The following HERC1 variants were observed in gnomAD, a reference collection of about 807,000 sequenced individuals.
HERC1 encodes the protein probable E3 ubiquitin-protein ligase HERC1.
In HERC1, 160 loss-of-function variants were observed where a neutral mutation model predicts 554.3. The observed-to-expected ratio is 0.29, with a 90% CI of 0.25 to 0.33. The LOEUF (loss-of-function observed/expected upper bound fraction) is 0.33, where lower values mean the gene tolerates loss of function less well. Among genes scored for constraint, HERC1 ranks in the 10% least tolerant of loss-of-function variants. The pLI, the probability that HERC1 is intolerant of heterozygous loss-of-function variation, is 1.00. For synonymous variants in HERC1, 2,175 were observed against 2,131.7 expected (o/e 1.02, Z -0.56); for missense variants, 4,919 against 5,918.5 (o/e 0.83, Z 5.54).
chr15:63,811,387 C>T (rs530518241), intron 1 of HERC1, among the ~76,000 whole-genome samples: 36 of 152,172 alleles, frequency 2.4e-4, no homozygotes, highest in Admixed American at 2.0e-3. Context: ...CAAAATGTTG[C>T]AATTTGTGAA....
At chr15:63,620,570 A>T (rs1438869050) in intron 74 of HERC1, among the ~76,000 whole-genome samples, 1 of 152,108 alleles carries the variant, frequency 6.6e-6, no homozygotes, top group African/African-American at 2.4e-5. Context: ...TATCTCGTTG[A>T]TCTGTCTAAT....
chr15:63,770,234 G>T (rs1283486120), intron 2 of HERC1, among the ~76,000 whole-genome samples: 1 of 152,048 alleles, frequency 6.6e-6, no homozygotes, highest in Non-Finnish European at 1.5e-5. Context: ...CCTCACAATT[G>T]CTGGCAAAAC....
At chr15:63,773,773 G>T (rs1020799197) in intron 2 of HERC1, among the ~76,000 whole-genome samples, 2 of 151,818 alleles carry the variant, frequency 1.3e-5, no homozygotes, top group Non-Finnish European at 2.9e-5. Context: ...CAAACTCCTG[G>T]CCTCAAGTGA....
intron 25 of HERC1, among the ~76,000 whole-genome samples, chr15:63,702,719 T>C (rs73448174): frequency 0.033 from 4,995 of 152,292 alleles, 270 homozygotes; most frequent in African/African-American, 0.11. Context: ...AATGCTCATA[T>C]AGTAAGTAGT....
At position 63,747,869 on chromosome 15, in the gene HERC1, A is replaced by C; in HGVS notation, c.2220-11T>G. The C allele has an allele frequency of 6.5e-7, 1 of 1,528,984 alleles. No homozygotes were observed. Among genetic ancestry groups the C allele is most frequent in the Non-Finnish European group, 8.8e-7 (1 of 1,139,094 alleles). The allele number at this position is 1,528,984 out of a possible 1,614,324, so 94.7% of individuals were successfully genotyped here. A position where few individuals can be genotyped will look rare whatever the true frequency, so the allele number is the denominator to read the frequency against. ...CATGCAACAACTTGTCTAGAAGGAC[A>C]CATAAGAAAATAATAAAACAGTCTT... is the stretch of plus-strand genomic sequence containing the variant. On this transcript the variant is annotated splice_polypyrimidine_tract_variant and intron_variant, in intron 10 of 77. Transcript: ENST00000443617.
rs1396623976 is a variant in HERC1 at position 63,628,358 on chromosome 15, C to T, written c.13105+319G>A. Among the ~76,000 whole-genome samples, 3 of 152,122 alleles carry T rather than the reference C, an allele frequency of 2.0e-5. No homozygotes were observed. In the East Asian group the frequency reaches 5.8e-4, roughly 29 times the overall value. On this transcript the variant is annotated intron_variant, in intron 70 of 77. Coordinates refer to ENST00000443617, the MANE Select transcript of HERC1 (RefSeq NM_003922.4). ...TGAGCTGAGATCACACCACTGCACT[C>T]CAGCCTAGGTGACAGAGCAAGACTC...
At chr15:63,754,854 A>G (rs1370890184) in intron 6 of HERC1, among the ~76,000 whole-genome samples, 1 of 152,216 alleles carries the variant, frequency 6.6e-6, no homozygotes, top group Non-Finnish European at 1.5e-5. Flanking sequence ...ACTTCGGTGA[A>G]CCATTAGAAT....
rs1296286458 is a variant in HERC1 at position 63,677,009 on chromosome 15, A to AT, written c.7070+835dup. Among the ~76,000 whole-genome samples the AT allele has an allele frequency of 2.6e-5, 4 of 152,130 alleles. No homozygotes were observed. The highest frequency in any genetic ancestry group is 1.9e-4 in the East Asian group (1 of 5,192). On this transcript the variant is annotated intron_variant, in intron 37 of 77. Coordinates refer to ENST00000443617, the MANE Select transcript of HERC1 (RefSeq NM_003922.4). This position sits in a 1 kb window ranked among gnomAD's most constrained non-coding sequence, Gnocchi z 4.4. Reference sequence around the variant, plus strand: ...GGATCAGAAGTGTTCTGGATTTCAGATTTTTTTCCCAAATTTTGGAATATT... The same window carrying AT: ...GGATCAGAAGTGTTCTGGATTTCAGATTTTTTTTCCCAAATTTTGGAATATT...
In HERC1 at chr15:63,756,188, G is replaced by A. The variant is rs1374527367; in HGVS notation, c.1533+249C>T. Among the ~76,000 whole-genome samples, 1 of 152,134 alleles carries A rather than the reference G, an allele frequency of 6.6e-6. No homozygotes were observed. Among genetic ancestry groups the A allele is most frequent in the Admixed American group, 6.5e-5 (1 of 15,270 alleles). ...AGTGCTAAATGTTTGTTAAATGAATGACTCTCAGTTTGCTTATCTGTGAAA... is the reference window on the plus strand; with the variant it reads ...AGTGCTAAATGTTTGTTAAATGAATAACTCTCAGTTTGCTTATCTGTGAAA... On this transcript the variant is annotated intron_variant, in intron 5 of 77. Transcript: ENST00000443617. The surrounding 1 kb of genome is among the most constrained non-coding windows in gnomAD (Gnocchi z 5.0).
chr15:63,632,504 G>GAGTGCT, intron 68 of HERC1: 1 of 643,892 alleles, frequency 1.6e-6, no homozygotes, highest in South Asian at 1.6e-5. Context: ...TCTGGCATAA[G>GAGTGCT]GGGTCTTAAT....
At chr15:63,801,196 A>C (rs1221987831) in intron 1 of HERC1, among the ~76,000 whole-genome samples, 3 of 152,122 alleles carry the variant, frequency 2.0e-5, no homozygotes, top group Non-Finnish European at 4.4e-5. Flanking sequence ...TAAACCAGTC[A>C]TTGTAAATAG....
chr15:63,808,242 C>T (rs17774449), intron 1 of HERC1, among the ~76,000 whole-genome samples: 9,006 of 152,016 alleles, frequency 0.059, 311 homozygotes, highest in Non-Finnish European at 0.073. Context: ...TTCTGAATAA[C>T]GGCTGCTATC....
intron 25 of HERC1, among the ~76,000 whole-genome samples, chr15:63,702,952 A>G (rs8032305): frequency 0.012 from 1,855 of 152,208 alleles, 38 homozygotes; most frequent in African/African-American, 0.043. Context: ...AAAAATACAA[A>G]AATTAGCTGG....
intron 3 of HERC1, among the ~76,000 whole-genome samples, chr15:63,761,060 A>C (rs956463801): frequency 1.1e-4 from 17 of 152,226 alleles, no homozygotes; most frequent in African/African-American, 4.1e-4. Flanking sequence ...TGTGAACTAA[A>C]GAAAAGATGA....
rs1248016435 is a variant in HERC1 at position 63,682,285 on chromosome 15, T to A, written c.6226-1509A>T. Among the ~76,000 whole-genome samples the A allele has an allele frequency of 2.0e-5, 3 of 152,312 alleles. No homozygotes were observed. The East Asian group carries it at 5.8e-4, about 29-fold the overall frequency. On this transcript the variant is annotated intron_variant, in intron 34 of 77. Transcript: ENST00000443617. The stretch of plus-strand genomic sequence containing the variant: ...TTTGCTACCCCAGACGCTCTTGGCC[T>A]TGCTAGCTAAAGTTAGGAAAAAAGA...
chr15:63,792,501 T>C (rs1362845749), intron 1 of HERC1, among the ~76,000 whole-genome samples: 2 of 152,268 alleles, frequency 1.3e-5, no homozygotes, highest in African/African-American at 4.8e-5. Context: ...TTCCAGGAGT[T>C]TGGAGTATCC....
intron 25 of HERC1, among the ~76,000 whole-genome samples, chr15:63,699,212 C>T (rs2153069493): frequency 6.6e-6 from 1 of 152,300 alleles, no homozygotes; most frequent in Non-Finnish European, 1.5e-5. Context: ...AAAGGGAAAG[C>T]CCTGTTTGAT....
At chr15:63,661,352 GA>G (rs1162256833) in intron 45 of HERC1, among the ~76,000 whole-genome samples, 1 of 152,150 alleles carries the variant, frequency 6.6e-6, no homozygotes, top group African/African-American at 2.4e-5. Context: ...AGGGATTAAG[GA>G]TGTAAAGAGA....
chr15:63,827,650 C>T lies in HERC1; in HGVS notation c.-27+6177G>A, dbSNP rs1235839197. ...AATTCCACTCCTAGGTATATATACC[C>T]ATGAGAATTAAAAATATATGTCCAC... On this transcript the variant is annotated intron_variant, in intron 1 of 77. Transcript: ENST00000443617. Among the ~76,000 whole-genome samples, 21 of 151,998 alleles carry T rather than the reference C, an allele frequency of 1.4e-4. 1 individual carries two copies. Among genetic ancestry groups the T allele is most frequent in the Admixed American group, 1.4e-3 (21 of 15,258 alleles).
Sources: gnomAD v4.1 joint callset for allele counts (sites outside exome capture counted in the v4.1 genomes callset) on GRCh38, gnomAD v4.1.1 for gene constraint, Gnocchi (gnomAD v3.1) non-coding constraint, MANE v1.5 for transcripts, NCBI Gene and HGNC (gene_info 2026-07-23, HGNC 2026-07-21) for gene names.